COG6: variants seen among roughly 807,000 people sequenced by gnomAD.
The protein encoded by COG6 is conserved oligomeric Golgi complex subunit 6.
A neutral mutation model predicts 88.8 loss-of-function variants in COG6; 74 were observed. That is an observed-to-expected ratio of 0.83 (90% CI 0.69 to 1.01). The LOEUF (loss-of-function observed/expected upper bound fraction) is 1.01. Among genes scored for constraint, COG6 ranks in the 50% least tolerant of loss-of-function variants. COG6 has a pLI of 0.00. For missense variants in COG6, 800 were observed against 797.9 expected (o/e 1.00, Z -0.03); for synonymous variants, 286 against 278.7 (o/e 1.03, Z -0.26).
chr13:39,680,101 A>C, intron 7 of COG6, 56 bp downstream of exon 7: 1 of 1,002,452 alleles, frequency 1.0e-6, no homozygotes, highest in Non-Finnish European at 1.6e-6. Context: ...TTGTTTTTTA[A>C]AATTTTACTT....
At chr13:39,711,573 A>G (rs1878240472) in intron 13 of COG6, among the ~76,000 whole-genome samples, 1 of 152,020 alleles carries the variant, frequency 6.6e-6, no homozygotes, top group Non-Finnish European at 1.5e-5. Context: ...CCTCATATAT[A>G]AAATTTGATA....
At chr13:39,684,621 C>T (rs368760311) in intron 8 of COG6, among the ~76,000 whole-genome samples, 21 of 152,020 alleles carry the variant, frequency 1.4e-4, no homozygotes, top group African/African-American at 4.8e-4. Flanking sequence ...ATGATTAGAA[C>T]AAGATGAATG....
intron 18 of COG6, among the ~76,000 whole-genome samples, chr13:39,763,651 A>AT (rs1243374434): frequency 6.6e-6 from 1 of 151,752 alleles, no homozygotes; most frequent in Non-Finnish European, 1.5e-5. Context: ...TGTGGTTGGG[A>AT]TTACTTTGAC....
chr13:39,791,359 G>A, exon 19 of COG6: 1 of 152,142 alleles, frequency 6.6e-6, no homozygotes, highest in East Asian at 1.9e-4. Flanking sequence ...GTGATCCATA[G>A]TATTTTAGTA....
At chr13:39,727,413 GTTGT>G in intron 17 of COG6, 52 bp from the exon 18 acceptor site, 2 of 1,247,878 alleles carry the variant, frequency 1.6e-6, no homozygotes, top group East Asian at 4.6e-5. Flanking sequence ...TTATATTTGA[GTTGT>G]TTGTTAGCAC....
At chr13:39,676,834 A>G (rs1307810788) in intron 4 of COG6, among the ~76,000 whole-genome samples, 1 of 152,108 alleles carries the variant, frequency 6.6e-6, no homozygotes, top group Non-Finnish European at 1.5e-5. Context: ...GATTCTTCTC[A>G]GTCCCATAGG....
chr13:39,725,984 C>A (rs1328597768), intron 17 of COG6, among the ~76,000 whole-genome samples: 1 of 151,856 alleles, frequency 6.6e-6, no homozygotes, highest in Non-Finnish European at 1.5e-5. Context: ...TAATACAACT[C>A]ATAAAATATT....
At chr13:39,697,504 A>G (rs1214567368) in intron 12 of COG6, among the ~76,000 whole-genome samples, 1 of 151,976 alleles carries the variant, frequency 6.6e-6, no homozygotes. Context: ...CCTTTCCTGC[A>G]AAACTTTTCT....
At chr13:39,782,769 C>T (rs1434477162) in intron 18 of COG6, among the ~76,000 whole-genome samples, 2 of 152,166 alleles carry the variant, frequency 1.3e-5, no homozygotes, top group African/African-American at 2.4e-5. Context: ...ACCTAGACCA[C>T]GGTGCTCAGG....
chr13:39,787,009 G>C (rs920684378), intron 18 of COG6, among the ~76,000 whole-genome samples: 2 of 152,182 alleles, frequency 1.3e-5, no homozygotes, highest in African/African-American at 2.4e-5. Context: ...TACTGGAAGG[G>C]ATTTTGAGAA....
intron 18 of COG6, among the ~76,000 whole-genome samples, chr13:39,728,894 A>G (rs1397555978): frequency 6.6e-6 from 1 of 152,030 alleles, no homozygotes; most frequent in Non-Finnish European, 1.5e-5. Context: ...TGAACTCCTG[A>G]CCTCGTGATC....
At chr13:39,687,856 CTG>C in intron 10 of COG6, 57 bp downstream of exon 10, 1 of 1,208,462 alleles carries the variant, frequency 8.3e-7, no homozygotes, top group Non-Finnish European at 1.2e-6. Context: ...ACAAGCATCT[CTG>C]TTTCTGTTCT....
At chr13:39,667,703 A>T (rs1051865695) in intron 4 of COG6, among the ~76,000 whole-genome samples, 1 of 152,216 alleles carries the variant, frequency 6.6e-6, no homozygotes, top group Non-Finnish European at 1.5e-5. Context: ...AGTGTAAGGT[A>T]TCAACAGAAT....
intron 18 of COG6, among the ~76,000 whole-genome samples, chr13:39,763,338 G>A (rs1881080458): frequency 6.6e-6 from 1 of 151,698 alleles, no homozygotes; most frequent in African/African-American, 2.4e-5. Context: ...TTCTTGCTAT[G>A]TGGCACTACA....
At chr13:39,748,337 G>A (rs1445789661) in intron 18 of COG6, among the ~76,000 whole-genome samples, 2 of 152,108 alleles carry the variant, frequency 1.3e-5, no homozygotes, top group African/African-American at 4.8e-5. Flanking sequence ...TCTCCAGGCT[G>A]GGCACAGTGG....
intron 18 of COG6, among the ~76,000 whole-genome samples, chr13:39,750,165 A>G (rs1027711421): frequency 8.5e-5 from 13 of 152,146 alleles, no homozygotes; most frequent in Non-Finnish European, 1.5e-5. Context: ...CAGTGTTCTC[A>G]TGGCCAGTAC....
rs1875226846 is a variant in COG6, at chr13:39,665,880, A to G, written c.428+726A>G. On this transcript the variant is annotated intron_variant, in intron 4 of 18. Coordinates refer to ENST00000455146, the MANE Select transcript of COG6 (RefSeq NM_020751.3). ...ATTTTGGGGTAGGTCAGTATACTAT[A>G]GTATAGACCACAGGTTATCAAACTA... is the stretch of plus-strand genomic sequence containing the variant. Among the ~76,000 whole-genome samples, 3 of 152,364 alleles carry G rather than the reference A, an allele frequency of 2.0e-5. No individual in the cohort carries two copies. The South Asian group carries it at 6.2e-4, about 32-fold the overall frequency.
At chr13:39,772,901 A>T (rs1328755261) in intron 18 of COG6, among the ~76,000 whole-genome samples, 1 of 152,176 alleles carries the variant, frequency 6.6e-6, no homozygotes, top group East Asian at 1.9e-4. Flanking sequence ...CCCTCCTGCC[A>T]CTGTCTCTGG....
intron 4 of COG6, among the ~76,000 whole-genome samples, chr13:39,675,061 G>T (rs566786056): frequency 2.0e-5 from 3 of 151,878 alleles, no homozygotes; most frequent in South Asian, 4.2e-4. Context: ...GATCTATTAT[G>T]TATTTTTCCA....
Sources: allele counts gnomAD v4.1 joint callset (sites outside exome capture counted in the v4.1 genomes callset), GRCh38; gene constraint gnomAD v4.1.1; transcripts MANE v1.5; gene names NCBI Gene and HGNC (gene_info 2026-07-23, HGNC 2026-07-21).